KIF26B: variants seen among roughly 807,000 people sequenced by gnomAD.
The protein encoded by KIF26B is kinesin-like protein KIF26B.
In KIF26B, 63 loss-of-function variants were observed where a neutral mutation model predicts 151.2. The ratio of observed to expected loss-of-function variants is 0.42; its 90% CI spans 0.34 to 0.51. The LOEUF (loss-of-function observed/expected upper bound fraction) is 0.51, where lower values mean the gene tolerates loss of function less well. Ranked by LOEUF, KIF26B falls within the 20% of genes least tolerant of loss-of-function variation. The probability of loss-of-function intolerance (pLI) is 0.07; values close to 1 mark genes in which losing one functional copy is unlikely to be tolerated. For missense variants in KIF26B, 2,813 were observed against 2,913.6 expected, an observed-to-expected ratio of 0.97 and a Z score of 0.79; for synonymous variants, 1,357 against 1,262.1, an observed-to-expected ratio of 1.08 and a Z score of -1.59.
intron 2 of KIF26B, among the ~76,000 whole-genome samples, chr1:245,247,268 T>G (rs1161831115): frequency 6.8e-6 from 1 of 146,072 alleles, no homozygotes; most frequent in East Asian, 2.0e-4. Context: ...CTGACCAACA[T>G]AGTGAAATCT....
At chr1:245,403,208 A>G (rs1457470741) in intron 3 of KIF26B, among the ~76,000 whole-genome samples, 1 of 152,146 alleles carries the variant, frequency 6.6e-6, no homozygotes, top group African/African-American at 2.4e-5. Context: ...CCTAGGCTCA[A>G]GTGATCCTCC....
intron 5 of KIF26B, among the ~76,000 whole-genome samples, chr1:245,556,901 C>T (rs1172103719): frequency 6.6e-6 from 1 of 152,096 alleles, no homozygotes. Flanking sequence ...CAATGGCTCA[C>T]CACAGTCATC....
At chr1:245,588,441 G>A (rs533740189) in intron 5 of KIF26B, among the ~76,000 whole-genome samples, 161 of 152,230 alleles carry the variant, frequency 1.1e-3, no homozygotes, top group African/African-American at 3.6e-3. Flanking sequence ...TGCCTCTGGC[G>A]GGAGGTGGCG....
intron 2 of KIF26B, among the ~76,000 whole-genome samples, chr1:245,213,731 C>A (rs1043702449): frequency 4.6e-5 from 7 of 152,294 alleles, no homozygotes; most frequent in African/African-American, 1.4e-4. Flanking sequence ...GTGTGCCGCA[C>A]CTTTGTTCTG....
At chr1:245,505,569 G>C (rs1247548998) in intron 4 of KIF26B, among the ~76,000 whole-genome samples, 1 of 151,944 alleles carries the variant, frequency 6.6e-6, no homozygotes, top group African/African-American at 2.4e-5. Context: ...ATTTGTAGTA[G>C]AGACGGGGTT....
At chr1:245,213,421 G>A (rs529581300) in intron 2 of KIF26B, among the ~76,000 whole-genome samples, 2 of 152,364 alleles carry the variant, frequency 1.3e-5, no homozygotes, top group South Asian at 4.1e-4. Context: ...AGCCAAAGCT[G>A]TGTTCCCTCT....
intron 4 of KIF26B, among the ~76,000 whole-genome samples, chr1:245,476,596 C>T (rs751825931): frequency 1.1e-4 from 17 of 151,386 alleles, no homozygotes; most frequent in Non-Finnish European, 2.2e-4. Context: ...AGTGCAGTGG[C>T]GTGACCTTGG....
chr1:245,642,302 A>G (rs1297706503), intron 9 of KIF26B, among the ~76,000 whole-genome samples: 3 of 152,096 alleles, frequency 2.0e-5, no homozygotes, highest in Non-Finnish European at 4.4e-5. Flanking sequence ...GGCCTTTCTC[A>G]TTGGCTGAGA....
intron 2 of KIF26B, among the ~76,000 whole-genome samples, chr1:245,159,365 G>A (rs147596805): frequency 6.6e-6 from 1 of 152,138 alleles, no homozygotes; most frequent in Admixed American, 6.5e-5. Flanking sequence ...TTTGGTTTTG[G>A]TTCTTCTTCA....
chr1:245,176,645 A>G (rs1237612368), intron 2 of KIF26B, among the ~76,000 whole-genome samples: 1 of 152,120 alleles, frequency 6.6e-6, no homozygotes, highest in Non-Finnish European at 1.5e-5. Flanking sequence ...TACCCAGTCT[A>G]AAGGCTTCTA....
chr1:245,171,373 C>T (rs1188073716), intron 2 of KIF26B, among the ~76,000 whole-genome samples: 1 of 152,206 alleles, frequency 6.6e-6, no homozygotes, highest in African/African-American at 2.4e-5. Context: ...GAAACCCCGT[C>T]TCTACTAAAA....
chr1:245,301,944 G>GTTGTT (rs1165680520), intron 2 of KIF26B, among the ~76,000 whole-genome samples: 1 of 152,180 alleles, frequency 6.6e-6, no homozygotes, highest in Non-Finnish European at 1.5e-5. Context: ...CCCCCCAGTT[G>GTTGTT]TTGTTCACTT....
chr1:245,615,091 T>C (rs962159518), intron 9 of KIF26B: 2 of 152,296 alleles, frequency 1.3e-5, no homozygotes, highest in African/African-American at 4.8e-5. Context: ...AACCCTGCCC[T>C]CACTGTTTTC....
chr1:245,511,267 G>A (rs1660831180), intron 4 of KIF26B: 2 of 622,072 alleles, frequency 3.2e-6, no homozygotes, highest in Admixed American at 2.8e-5. Context: ...AGTTAGGAGG[G>A]TCCAGGTTGT....
At chr1:245,162,695 A>G (rs1377168107) in intron 2 of KIF26B, among the ~76,000 whole-genome samples, 1 of 152,214 alleles carries the variant, frequency 6.6e-6, no homozygotes, top group Non-Finnish European at 1.5e-5. Flanking sequence ...ACATTCGTGT[A>G]GATGCAAAAG....
intron 2 of KIF26B, among the ~76,000 whole-genome samples, chr1:245,360,363 A>G (rs1672790743): frequency 1.3e-5 from 2 of 152,156 alleles, no homozygotes; most frequent in Admixed American, 6.5e-5. Flanking sequence ...AATTTATACA[A>G]GTTACTGTAT....
chr1:245,641,237 C>A (rs2043888452), intron 9 of KIF26B, among the ~76,000 whole-genome samples: 1 of 151,796 alleles, frequency 6.6e-6, no homozygotes, highest in East Asian at 1.9e-4. Context: ...TTGCTTTTTT[C>A]TTGCTCTCTC....
intron 3 of KIF26B, among the ~76,000 whole-genome samples, chr1:245,392,234 A>G (rs2103022988): frequency 6.6e-6 from 1 of 152,244 alleles, no homozygotes; most frequent in Admixed American, 6.5e-5. Flanking sequence ...ACCCACCCCA[A>G]TCCTACGCCA....
In KIF26B at chr1:245,702,656, G is replaced by A. The variant is rs2044788477; in HGVS notation, c.*50G>A. On this transcript the variant is annotated 3_prime_UTR_variant, in exon 15 of 15. Coordinates refer to ENST00000407071, the MANE Select transcript of KIF26B (RefSeq NM_018012.4). The surrounding 1 kb of genome is among the most constrained non-coding windows in gnomAD (Gnocchi z 4.1). ...GTCCCCCGCTCCCCAGGACTTCAGA[G>A]ATGTTGCACGCCCCTAGGCCCTCTG... 3 of 1,584,228 alleles carry A rather than the reference G, an allele frequency of 1.9e-6. No individual in the cohort carries two copies. The highest frequency in any genetic ancestry group is 2.6e-6 in the Non-Finnish European group (3 of 1,162,604).
Sources: allele counts gnomAD v4.1 joint callset (sites outside exome capture counted in the v4.1 genomes callset), GRCh38; gene constraint gnomAD v4.1.1; non-coding constraint Gnocchi (gnomAD v3.1); transcripts MANE v1.5; gene names NCBI Gene and HGNC (gene_info 2026-07-23, HGNC 2026-07-21).